The following AKAP9 variants were observed in gnomAD, a reference collection of about 807,000 sequenced individuals.
The protein encoded by AKAP9 is A-kinase anchoring protein 9.
AKAP9 carries 311 observed loss-of-function variants against 488.5 expected under a neutral mutation model. The ratio of observed to expected loss-of-function variants is 0.64; its 90% CI spans 0.58 to 0.70. The LOEUF is 0.70. Ranked by LOEUF, AKAP9 falls within the 30% of genes least tolerant of loss-of-function variation. AKAP9 has a pLI of 0.00. For synonymous variants in AKAP9, 1,462 were observed against 1,483.5 expected (o/e 0.99, Z 0.33); for missense variants, 4,215 against 4,374.5 (o/e 0.96, Z 1.03).
intron 2 of AKAP9, among the ~76,000 whole-genome samples, chr7:91,979,317 A>T (rs1331716005): frequency 1.3e-5 from 2 of 152,304 alleles, no homozygotes; most frequent in East Asian, 3.9e-4. Context: ...CAGACATGAG[A>T]AAAATGAGAG....
In AKAP9 at chr7:92,062,267, A is replaced by G. The variant is rs751012743; in HGVS notation, c.5765-7A>G. The G allele has an allele frequency of 8.1e-6, 13 of 1,605,880 alleles. No homozygotes were observed. In the Admixed American group the frequency reaches 8.3e-5, roughly 10 times the overall value. ...TAGTTCTATTTTCTGTTAATTTTGT[A>G]TTATAGGCGTCATTGATGGCTATGC... On this transcript the variant is annotated splice_polypyrimidine_tract_variant and splice_region_variant and intron_variant, in intron 23 of 49. Transcript: ENST00000356239.
chr7:92,013,852 G>A (rs1801128688), intron 9 of AKAP9, among the ~76,000 whole-genome samples: 1 of 148,960 alleles, frequency 6.7e-6, no homozygotes, highest in Non-Finnish European at 1.5e-5. Flanking sequence ...GGTGAAGTCA[G>A]TTTAGTGAGT....
intron 26 of AKAP9, among the ~76,000 whole-genome samples, chr7:92,066,800 C>T (rs935705416): frequency 6.6e-6 from 1 of 152,086 alleles, no homozygotes; most frequent in African/African-American, 2.4e-5. Flanking sequence ...TTTCTTTATT[C>T]CCATTCCTAA....
At position 92,083,124 on chromosome 7, in the gene AKAP9, G is replaced by T. The variant is rs369914480; in HGVS notation, c.8161-46G>T. ...CCTTTAAATTCTACATTTAATATGGGAAGATTTTAACTGAATGCCCTACTG... is the reference window on the plus strand; with the variant it reads ...CCTTTAAATTCTACATTTAATATGGTAAGATTTTAACTGAATGCCCTACTG... On this transcript the variant is annotated intron_variant, in intron 32 of 49. Coordinates refer to ENST00000356239, the MANE Select transcript of AKAP9 (RefSeq NM_005751.5). 3.8e-6 allele frequency: 6 copies of T among 1,596,596 alleles called. No homozygotes were observed. In the African/African-American group the frequency reaches 8.1e-5, roughly 22 times the overall value.
intron 1 of AKAP9, among the ~76,000 whole-genome samples, chr7:91,956,456 C>T (rs569106504): frequency 6.7e-6 from 1 of 149,062 alleles, no homozygotes; most frequent in East Asian, 2.0e-4. Flanking sequence ...AAATGCCAGA[C>T]AAACAATCTA....
At chr7:92,028,220 C>G (rs2130748287) in intron 14 of AKAP9, among the ~76,000 whole-genome samples, 1 of 146,506 alleles carries the variant, frequency 6.8e-6, no homozygotes, top group East Asian at 2.0e-4. Flanking sequence ...ATCTGCTGAC[C>G]TTCTCTCCAC....
intron 20 of AKAP9, 174 bp downstream of exon 20, chr7:92,042,945 T>C (rs1806362462): frequency 2.2e-6 from 1 of 456,162 alleles, no homozygotes; most frequent in Non-Finnish European, 3.9e-6. Flanking sequence ...TTTTCAGTTT[T>C]TCATCATTAA....
chr7:91,981,861 C>G (rs981324974), intron 3 of AKAP9, among the ~76,000 whole-genome samples: 1 of 152,112 alleles, frequency 6.6e-6, no homozygotes, highest in Non-Finnish European at 1.5e-5. Context: ...ACCTCTGCCT[C>G]CCGAAGTGCT....
intron 21 of AKAP9, among the ~76,000 whole-genome samples, chr7:92,048,633 G>C (rs1807407585): frequency 6.6e-6 from 1 of 152,230 alleles, no homozygotes; most frequent in African/African-American, 2.4e-5. Flanking sequence ...GGGGCTGAGA[G>C]TCATGGCTCA....
chr7:91,949,005 C>T (rs1346224120), intron 1 of AKAP9, among the ~76,000 whole-genome samples: 1 of 152,206 alleles, frequency 6.6e-6, no homozygotes. Flanking sequence ...CCCACCTCGG[C>T]CTCCCAAAGT....
At chr7:91,962,404 C>T (rs574146598) in intron 1 of AKAP9, among the ~76,000 whole-genome samples, 4 of 152,138 alleles carry the variant, frequency 2.6e-5, no homozygotes, top group Admixed American at 1.3e-4. Context: ...TAATAAGTAA[C>T]TAGAAATTTG....
intron 2 of AKAP9, 73 bp downstream of exon 2, chr7:91,974,041 CTG>C: frequency 6.4e-7 from 1 of 1,558,318 alleles, no homozygotes; most frequent in South Asian, 1.1e-5. Context: ...TCATTAGCAA[CTG>C]TGCGCAATTT....
chr7:92,022,071 AC>A (rs1206546952), intron 12 of AKAP9, among the ~76,000 whole-genome samples, 166 bp from the exon 13 acceptor site: 2 of 152,226 alleles, frequency 1.3e-5, no homozygotes, highest in African/African-American at 4.8e-5. Flanking sequence ...AATTACTGTT[AC>A]AGAAGAGAAC....
At chr7:92,089,598 A>C (rs755238603) in intron 38 of AKAP9, 69 bp downstream of exon 38, 3 of 1,481,382 alleles carry the variant, frequency 2.0e-6, no homozygotes, top group Non-Finnish European at 2.8e-6. Flanking sequence ...TTTCTTTCTT[A>C]TTATTATTAA....
At chr7:91,984,714 C>A (rs1796848963) in intron 3 of AKAP9, among the ~76,000 whole-genome samples, 1 of 150,222 alleles carries the variant, frequency 6.7e-6, no homozygotes, top group African/African-American at 2.4e-5. Flanking sequence ...CTATAAATTA[C>A]CTTGGGCAGT....
chr7:92,075,677 G>C (rs1440809267), intron 28 of AKAP9, among the ~76,000 whole-genome samples: 1 of 152,178 alleles, frequency 6.6e-6, no homozygotes, highest in Non-Finnish European at 1.5e-5. Context: ...GGGATACTCA[G>C]AACAGATCTT....
At chr7:91,998,367 C>T (rs960923544) in intron 7 of AKAP9, among the ~76,000 whole-genome samples, 3 of 148,380 alleles carry the variant, frequency 2.0e-5, no homozygotes, top group Admixed American at 6.8e-5. Flanking sequence ...CATAGTATTT[C>T]CCCCCATCTC....
chr7:92,095,359 T>G (rs941316959), intron 40 of AKAP9, among the ~76,000 whole-genome samples, 186 bp downstream of exon 40: 1 of 152,236 alleles, frequency 6.6e-6, no homozygotes, highest in Non-Finnish European at 1.5e-5. Flanking sequence ...GATTGGTTTT[T>G]TTTGTTTGTT....
chr7:92,054,365 G>A (rs926272446), intron 22 of AKAP9, among the ~76,000 whole-genome samples: 7 of 148,600 alleles, frequency 4.7e-5, no homozygotes, highest in Admixed American at 2.7e-4. Flanking sequence ...TTTTTTTCAC[G>A]TATTATAACA....
Sources: gnomAD v4.1 joint callset for allele counts (sites outside exome capture counted in the v4.1 genomes callset) on GRCh38, gnomAD v4.1.1 for gene constraint, MANE v1.5 for transcripts, NCBI Gene and HGNC (gene_info 2026-07-23, HGNC 2026-07-21) for gene names.